Variants in PIK3C2G observed in about 807,000 individuals in gnomAD.
PIK3C2G encodes the protein phosphatidylinositol-4-phosphate 3-kinase catalytic subunit type 2 gamma.
Under a neutral mutation model 181.1 loss-of-function variants are expected in PIK3C2G, and 168 were observed. That is an observed-to-expected ratio of 0.93 (90% CI 0.82 to 1.05). PIK3C2G has a LOEUF of 1.05. Among genes scored for constraint, PIK3C2G ranks in the 50% least tolerant of loss-of-function variants. The probability of loss-of-function intolerance (pLI) is 0.00; values close to 1 mark genes in which losing one functional copy is unlikely to be tolerated. For missense variants in PIK3C2G, 1,869 were observed against 1,732.8 expected (o/e 1.08, Z -1.40); for synonymous variants, 573 against 592.2 (o/e 0.97, Z 0.47).
At chr12:18,484,109 A>G (rs1939814572) in intron 18 of PIK3C2G, among the ~76,000 whole-genome samples, 1 of 152,226 alleles carries the variant, frequency 6.6e-6, no homozygotes, top group Non-Finnish European at 1.5e-5. Flanking sequence ...TCTGTTGACC[A>G]AAGCAAATCA....
intron 16 of PIK3C2G, among the ~76,000 whole-genome samples, chr12:18,401,710 T>C (rs1290464690): frequency 6.6e-6 from 1 of 152,160 alleles, no homozygotes; most frequent in Non-Finnish European, 1.5e-5. Flanking sequence ...AGGCTCTGCA[T>C]GGGCATTTCT....
the PIK3C2G span, among the ~76,000 whole-genome samples, chr12:18,662,719 G>A: frequency 6.6e-6 from 1 of 152,060 alleles, no homozygotes; most frequent in Non-Finnish European, 1.5e-5. Context: ...GAAAAATGAG[G>A]TCTAGTCTGT....
chr12:18,347,413 T>G (rs559129619), intron 11 of PIK3C2G, among the ~76,000 whole-genome samples: 1 of 152,336 alleles, frequency 6.6e-6, no homozygotes, highest in South Asian at 2.1e-4. Flanking sequence ...TACAGTAATA[T>G]AGAGATAATT....
intron 8 of PIK3C2G, among the ~76,000 whole-genome samples, chr12:18,330,025 T>C (rs1426226962): frequency 6.6e-6 from 1 of 152,134 alleles, no homozygotes; most frequent in Admixed American, 6.6e-5. Flanking sequence ...TTTCCACATT[T>C]CTGTAGATTT....
chr12:18,617,966 A>T (rs986473346), intron 31 of PIK3C2G, among the ~76,000 whole-genome samples: 1 of 152,170 alleles, frequency 6.6e-6, no homozygotes, highest in Non-Finnish European at 1.5e-5. Context: ...AGCCCATCCC[A>T]CCTACTGATT....
At position 18,325,101 on chromosome 12, in the gene PIK3C2G, A is replaced by T; in HGVS notation, c.1272+3A>T. On this transcript the variant is annotated splice_donor_region_variant and intron_variant, in intron 8 of 32. Transcript: ENST00000538779. Reference sequence around the variant, plus strand: ...TGAAATACCTATTGAAAACCCAGGTATTGACTTTTGTTACTTTATCCATCA... The same window carrying T: ...TGAAATACCTATTGAAAACCCAGGTTTTGACTTTTGTTACTTTATCCATCA... 6.5e-7 allele frequency: 1 copy of T among 1,527,180 alleles called. No homozygotes were observed. 94.6% of individuals were successfully genotyped at this position (1,527,180 alleles called of 1,614,324 possible).
intron 30 of PIK3C2G, among the ~76,000 whole-genome samples, chr12:18,595,194 T>C (rs957998389): frequency 3.9e-5 from 6 of 152,108 alleles, no homozygotes; most frequent in African/African-American, 1.4e-4. Flanking sequence ...CTTGTGCTAA[T>C]CAAATTATTT....
chr12:18,309,345 T>C (rs915234759), intron 5 of PIK3C2G, among the ~76,000 whole-genome samples: 3 of 151,826 alleles, frequency 2.0e-5, no homozygotes, highest in African/African-American at 7.2e-5. Flanking sequence ...TTAGCATTTT[T>C]CTCATGAGAA....
intron 5 of PIK3C2G, among the ~76,000 whole-genome samples, chr12:18,309,694 T>C (rs4375484): frequency 0.37 from 55,941 of 151,592 alleles, 10,621 homozygotes; most frequent in Admixed American, 0.42. Flanking sequence ...GGATTTAGAT[T>C]TAACAAAATT....
At chr12:18,406,400 A>G (rs1332491023) in intron 16 of PIK3C2G, among the ~76,000 whole-genome samples, 1 of 152,164 alleles carries the variant, frequency 6.6e-6, no homozygotes, top group Non-Finnish European at 1.5e-5. Flanking sequence ...ATATCCAGAA[A>G]TGAGATTACT....
At chr12:18,514,236 T>C (rs2136153498) in intron 24 of PIK3C2G, among the ~76,000 whole-genome samples, 1 of 152,000 alleles carries the variant, frequency 6.6e-6, no homozygotes, top group South Asian at 2.1e-4. Flanking sequence ...TGTTGTTTTC[T>C]TTTGTGACCT....
intron 18 of PIK3C2G, among the ~76,000 whole-genome samples, chr12:18,450,832 G>A (rs1348820193): frequency 2.0e-5 from 3 of 152,098 alleles, no homozygotes; most frequent in Admixed American, 6.6e-5. Flanking sequence ...ATTAAATAGG[G>A]AATCCTTTCA....
At chr12:18,518,121 G>A (rs928046369) in intron 24 of PIK3C2G, among the ~76,000 whole-genome samples, 7 of 152,168 alleles carry the variant, frequency 4.6e-5, no homozygotes, top group African/African-American at 1.7e-4. Flanking sequence ...TTGATACGCT[G>A]CTGGATTCGG....
intron 18 of PIK3C2G, among the ~76,000 whole-genome samples, chr12:18,470,737 A>C (rs1938375289): frequency 6.6e-6 from 1 of 151,714 alleles, no homozygotes; most frequent in Admixed American, 6.6e-5. Context: ...ATCCCTTGCA[A>C]CTCTTCCTTC....
the PIK3C2G span, among the ~76,000 whole-genome samples, chr12:18,669,808 C>T: frequency 6.6e-6 from 1 of 152,246 alleles, no homozygotes; most frequent in East Asian, 1.9e-4. Flanking sequence ...CAGGCGTGTG[C>T]CACCATGCCT....
At chr12:18,293,768 T>A in intron 4 of PIK3C2G, 133 bp from the exon 5 acceptor site, 1 of 620,464 alleles carries the variant, frequency 1.6e-6, no homozygotes, top group Non-Finnish European at 2.9e-6. Context: ...TGAATCTCAA[T>A]TTAATTCCCC....
At chr12:18,461,861 T>C (rs762065918) in intron 18 of PIK3C2G, among the ~76,000 whole-genome samples, 10 of 152,212 alleles carry the variant, frequency 6.6e-5, no homozygotes, top group Non-Finnish European at 1.5e-4. Context: ...TATTTTGTTA[T>C]AGCAGACTGA....
At chr12:18,496,287 C>T (rs1941006203) in intron 21 of PIK3C2G, 133 bp downstream of exon 21, 4 of 642,144 alleles carry the variant, frequency 6.2e-6, no homozygotes, top group Non-Finnish European at 2.7e-6. Context: ...TTAGAGTCTG[C>T]CTTTTTACAG....
chr12:18,356,244 G>A (rs947022701), intron 11 of PIK3C2G, among the ~76,000 whole-genome samples: 4 of 152,210 alleles, frequency 2.6e-5, no homozygotes, highest in African/African-American at 9.6e-5. Flanking sequence ...CCCTTCTGAA[G>A]TATCCTAGGC....
Sources: allele counts gnomAD v4.1 joint callset (sites outside exome capture counted in the v4.1 genomes callset), GRCh38; gene constraint gnomAD v4.1.1; transcripts MANE v1.5; gene names NCBI Gene and HGNC (gene_info 2026-07-23, HGNC 2026-07-21).